The following KALRN variants were observed in gnomAD, a reference collection of about 807,000 sequenced individuals.
KALRN encodes kalirin.
KALRN carries 70 observed loss-of-function variants against 353.7 expected under a neutral mutation model. That is an observed-to-expected ratio of 0.20 (90% CI 0.16 to 0.24). The LOEUF (loss-of-function observed/expected upper bound fraction) is 0.24. KALRN is among the 10% of genes least tolerant of loss of function. The pLI, the probability that KALRN is intolerant of heterozygous loss-of-function variation, is 1.00. For missense variants in KALRN, 2,791 were observed against 3,756.7 expected (o/e 0.74, Z 6.72); for synonymous variants, 1,391 against 1,434.8 (o/e 0.97, Z 0.69).
At chr3:124,235,993 A>G (rs149959027) in intron 3 of KALRN, among the ~76,000 whole-genome samples, 1 of 152,336 alleles carries the variant, frequency 6.6e-6, no homozygotes, top group Non-Finnish European at 1.5e-5. Context: ...TAAAGAAGAG[A>G]TGAATGTAAA....
Position 124,067,908 on chromosome 3 carries a change from A to G in KALRN, c.73+34095A>G, listed in dbSNP as rs1340988124. ...GAAGACACAGTTTGAGAGACTCCTG[A>G]CGTAGTCTTGTAACCACCCAGCTGC... On this transcript the variant is annotated intron_variant, in intron 1 of 59. Coordinates refer to ENST00000682506, the MANE Select transcript of KALRN (RefSeq NM_001388419.1). Among the ~76,000 whole-genome samples, 4 of 152,206 alleles carry G rather than the reference A, an allele frequency of 2.6e-5. No individual in the cohort carries two copies. The East Asian group carries it at 7.7e-4, about 29-fold the overall frequency.
At chr3:124,346,562 G>A (rs1318029420) in intron 9 of KALRN, among the ~76,000 whole-genome samples, 3 of 152,204 alleles carry the variant, frequency 2.0e-5, no homozygotes, top group Non-Finnish European at 2.9e-5. Flanking sequence ...GGAGGAGGGA[G>A]ATGGAAAGAA....
At chr3:124,549,360 CACACAT>C (rs1370385088) in intron 33 of KALRN, among the ~76,000 whole-genome samples, 10 of 151,260 alleles carry the variant, frequency 6.6e-5, no homozygotes, top group African/African-American at 2.4e-4. Flanking sequence ...TAATCACACA[CACACAT>C]AATCTCACAC....
At position 124,679,075 on chromosome 3, in the gene KALRN, C is replaced by G. The variant is rs889461872; in HGVS notation, c.7318-383C>G. ...ATCTACCTGGAACTTTGTTTCCCTT[C>G]CTTAGCAAAGTAAGAACAACTAAAA... On this transcript the variant is annotated intron_variant, in intron 50 of 59. Transcript: ENST00000682506. 5.3e-5 allele frequency among the ~76,000 whole-genome samples: 8 copies of G among 152,270 alleles called. No homozygotes were observed. In the East Asian group the frequency reaches 1.5e-3, roughly 29 times the overall value.
At chr3:124,296,496 G>A (rs561396232) in intron 5 of KALRN, among the ~76,000 whole-genome samples, 3 of 152,164 alleles carry the variant, frequency 2.0e-5, no homozygotes, top group Non-Finnish European at 2.9e-5. Context: ...CCGGGTCCTC[G>A]CCCTCGTCAG....
intron 33 of KALRN, among the ~76,000 whole-genome samples, chr3:124,550,989 AAAAT>A (rs373969743): frequency 4.6e-5 from 7 of 152,220 alleles, no homozygotes; most frequent in South Asian, 2.1e-4. Context: ...ACTCCGTCTC[AAAAT>A]AAATAAATAA....
chr3:124,523,874 C>G (rs1056260657), intron 33 of KALRN, among the ~76,000 whole-genome samples: 3 of 152,224 alleles, frequency 2.0e-5, no homozygotes, highest in Non-Finnish European at 4.4e-5. Context: ...TCTATACTGT[C>G]TTTGACTATC....
In KALRN at chr3:124,461,971, A is replaced by T. The variant is rs1476620905; in HGVS notation, c.3921+15A>T. Reference sequence around the variant, plus strand: ...AGTGCTTAGAGGTGAGTCTTCCAGTAATCCGTTCACAGCTATATTGGAAAA... The same window carrying T: ...AGTGCTTAGAGGTGAGTCTTCCAGTTATCCGTTCACAGCTATATTGGAAAA... On this transcript the variant is annotated intron_variant, in intron 24 of 59. Coordinates refer to ENST00000682506, the MANE Select transcript of KALRN (RefSeq NM_001388419.1). The T allele has an allele frequency of 1.9e-6, 3 of 1,594,118 alleles. No individual in the cohort carries two copies. The South Asian group carries it at 3.3e-5, about 18-fold the overall frequency.
chr3:124,300,626 A>G (rs1274258267), intron 6 of KALRN, among the ~76,000 whole-genome samples: 1 of 152,236 alleles, frequency 6.6e-6, no homozygotes, highest in Non-Finnish European at 1.5e-5. Context: ...GGCTGGGGAC[A>G]TTGTGCAGTC....
chr3:124,338,138 A>G (rs1476660821), intron 9 of KALRN, among the ~76,000 whole-genome samples: 1 of 151,680 alleles, frequency 6.6e-6, no homozygotes, highest in East Asian at 1.9e-4. Flanking sequence ...AATCCCCTTC[A>G]GTTCTTCTCT....
chr3:124,133,966 A>G (rs2149717184), intron 1 of KALRN, among the ~76,000 whole-genome samples: 1 of 152,348 alleles, frequency 6.6e-6, no homozygotes, highest in African/African-American at 2.4e-5. Context: ...AAAGCAAGCT[A>G]CAAATTCAAT....
intron 37 of KALRN, among the ~76,000 whole-genome samples, chr3:124,650,605 TG>T (rs528675701): frequency 2.0e-5 from 3 of 152,256 alleles, no homozygotes; most frequent in Non-Finnish European, 4.4e-5. Flanking sequence ...AAGTACATCC[TG>T]GTTGCCTGAG....
At position 124,687,412 on chromosome 3, in the gene KALRN, C is replaced by T. The variant is rs554992058; in HGVS notation, c.7378-6392C>T. Among the ~76,000 whole-genome samples the T allele has an allele frequency of 4.6e-5, 7 of 152,152 alleles. No individual in the cohort carries two copies. The South Asian group carries it at 8.3e-4, about 18-fold the overall frequency. ...CCAGTGCATACACAGCAACGCACCC[C>T]CATTTTGGTCCTTTGCAACCAACTA... On this transcript the variant is annotated intron_variant, in intron 51 of 59. Transcript: ENST00000682506.
At chr3:124,484,186 C>G (rs1352963873) in intron 28 of KALRN, among the ~76,000 whole-genome samples, 1 of 152,234 alleles carries the variant, frequency 6.6e-6, no homozygotes, top group Non-Finnish European at 1.5e-5. Flanking sequence ...CCATTCTAGT[C>G]ACACTGGAGT....
intron 25 of KALRN, among the ~76,000 whole-genome samples, chr3:124,467,324 G>C (rs2060436353): frequency 6.6e-6 from 1 of 152,210 alleles, no homozygotes; most frequent in Admixed American, 6.5e-5. Flanking sequence ...TTGGGCCAAA[G>C]GTGGCTAGAT....
chr3:124,639,235 T>A (rs1410309611), intron 37 of KALRN, among the ~76,000 whole-genome samples: 1 of 70,868 alleles, frequency 1.4e-5, no homozygotes, highest in East Asian at 1.1e-3. Flanking sequence ...AGGGTCCTAC[T>A]CAGATCTCCT....
intron 34 of KALRN, among the ~76,000 whole-genome samples, chr3:124,593,004 C>T (rs752581774): frequency 7.2e-5 from 11 of 152,222 alleles, no homozygotes; most frequent in Non-Finnish European, 1.0e-4. Flanking sequence ...AGCAGTACCT[C>T]CTAAAATGTT....
intron 33 of KALRN, chr3:124,519,291 C>T (rs2066960940): frequency 1.2e-5 from 12 of 971,020 alleles, no homozygotes; most frequent in Non-Finnish European, 1.3e-5. Flanking sequence ...TACCATTCTC[C>T]CCACTTCTGT....
chr3:124,104,411 T>A (rs1345953404), intron 1 of KALRN, among the ~76,000 whole-genome samples: 1 of 152,218 alleles, frequency 6.6e-6, no homozygotes, highest in African/African-American at 2.4e-5. Flanking sequence ...AGAACAGGGT[T>A]AAGCTTTAGT....
Sources: allele counts gnomAD v4.1 joint callset (sites outside exome capture counted in the v4.1 genomes callset), GRCh38; gene constraint gnomAD v4.1.1; transcripts MANE v1.5; gene names NCBI Gene and HGNC (gene_info 2026-07-23, HGNC 2026-07-21).